The following ACOT9 variants were observed in gnomAD, a reference collection of about 807,000 sequenced individuals.
ACOT9 encodes acyl-coenzyme A thioesterase 9, mitochondrial.
Under a neutral mutation model 39.7 loss-of-function variants are expected in ACOT9, and 34 were observed. The ratio of observed to expected loss-of-function variants is 0.86; its 90% confidence interval spans 0.65 to 1.14. ACOT9 has a LOEUF of 1.14. Among genes scored for constraint, ACOT9 ranks in the 50% most tolerant of loss-of-function variants. The pLI is 0.00. For synonymous variants in ACOT9, 110 were observed against 120.5 expected, an observed-to-expected ratio of 0.91 and a Z score of 0.57; for missense variants, 313 against 344.1, an observed-to-expected ratio of 0.91 and a Z score of 0.71.
At chrX:23,716,983 T>C (rs952842623) in intron 8 of ACOT9, among the ~76,000 whole-genome samples, 3 of 111,768 alleles carry the variant, frequency 2.7e-5, no homozygotes, top group African/African-American at 9.8e-5. Flanking sequence ...GCCTCCGCAG[T>C]AGCTGGGACT....
At chrX:23,706,019 CTT>C (rs1443225958) in intron 11 of ACOT9, among the ~76,000 whole-genome samples, 161 bp from the exon 12 acceptor site, 1 of 112,494 alleles carries the variant, frequency 8.9e-6, no homozygotes, top group Non-Finnish European at 1.9e-5. Flanking sequence ...AATCCCAACA[CTT>C]TGGGAGGCCG....
chrX:23,741,354 GA>G (rs769850332), intron 1 of ACOT9, among the ~76,000 whole-genome samples: 15 of 71,725 alleles, frequency 2.1e-4, no homozygotes, highest in Admixed American at 4.3e-4. Context: ...ATTTCAAAGA[GA>G]AAAAAAAAAA....
Position 23,713,178 on chromosome X carries a change from C to T in ACOT9, c.619G>A (p.Asp207Asn), listed in dbSNP as rs376691316. The change falls in exon 9 of 16, where the codon GAT becomes AAT. Residue 207 changes from aspartate (D) to asparagine (N), a missense_variant. Transcript: ENST00000379303. ...CGAGCCACCATTACAAATGTTGCATCCAAAACAGGACAAAATTCATCACCA... is the reference window on the plus strand; with the variant it reads ...CGAGCCACCATTACAAATGTTGCATTCAAAACAGGACAAAATTCATCACCA... ...LHGDEFCPVLDATFVMVARDS... is the reference protein window; with the variant it reads ...LHGDEFCPVLNATFVMVARDS... The T allele has an allele frequency of 2.5e-6, 3 of 1,206,166 alleles. No individual in the cohort carries two copies. Among genetic ancestry groups the T allele is most frequent in the African/African-American group, 3.5e-5 (2 of 57,113 alleles).
intron 12 of ACOT9, 69 bp downstream of exon 12, chrX:23,705,699 G>A (rs1928652944): frequency 3.6e-6 from 4 of 1,122,190 alleles, no homozygotes; most frequent in Non-Finnish European, 4.9e-6. Context: ...GTTTAAAGGT[G>A]TGTCAAATCT....
At chrX:23,719,188 G>A (rs1276299923) in intron 8 of ACOT9, among the ~76,000 whole-genome samples, 4 of 109,921 alleles carry the variant, frequency 3.6e-5, no homozygotes, top group Non-Finnish European at 7.6e-5. Flanking sequence ...GAGAATCACT[G>A]GAACCCGAGG....
intron 11 of ACOT9, 149 bp from the exon 12 acceptor site, chrX:23,706,007 G>A (rs1928667607): frequency 1.5e-5 from 7 of 476,851 alleles, no homozygotes; most frequent in Non-Finnish European, 2.5e-5. Context: ...GCTCACGCCT[G>A]TAATCCCAAC....
chrX:23,723,146 T>TA (rs1319108042), intron 6 of ACOT9, among the ~76,000 whole-genome samples: 1 of 111,500 alleles, frequency 9.0e-6, no homozygotes, highest in Non-Finnish European at 1.9e-5. Flanking sequence ...CCTCCTGGCT[T>TA]TGTCCTAATT....
chrX:23,706,558 CAA>C (rs35002168), intron 11 of ACOT9, 68 bp downstream of exon 11: 9,336 of 239,376 alleles, frequency 0.039, no homozygotes, highest in Admixed American at 0.061. Flanking sequence ...AACTCCGTCT[CAA>C]AAAAAAAAAA....
chrX:23,707,889 T>A lies in ACOT9; in HGVS notation c.718A>T (p.Arg240Ter). 8.3e-7 allele frequency: 1 copy of A among 1,200,738 alleles called. No individual in the cohort carries two copies. The highest frequency in any genetic ancestry group is 2.5e-4 in the Middle Eastern group (1 of 4,029). ...PESPEEEELFRQGELNKGRRI... is the reference protein window; with the variant it reads ...PESPEEEELF ...CAAATTAATGTACATTCCCCTTGTC[T>A]AAAGAGCTCCTCTTCCTCTGGGCTT... is the stretch of plus-strand genomic sequence containing the variant. The change falls in exon 10 of 16, where the codon AGA becomes TGA. Residue 240 changes from arginine to a stop codon, truncating the protein, a stop_gained. Transcript: ENST00000379303. LOFTEE classifies it high-confidence loss of function.
chrX:23,706,563 A>AAAAG, intron 11 of ACOT9, 65 bp downstream of exon 11: 2 of 507,417 alleles, frequency 3.9e-6, no homozygotes, highest in African/African-American at 2.5e-5. Context: ...CGTCTCAAAA[A>AAAAG]AAAAAAAAAA....
At chrX:23,738,017 G>A (rs962551186) in intron 1 of ACOT9, among the ~76,000 whole-genome samples, 1 of 106,174 alleles carries the variant, frequency 9.4e-6, no homozygotes, top group Non-Finnish European at 1.9e-5. Context: ...TACAGGCGCC[G>A]CCACCGCGCC....
chrX:23,740,219 G>C (rs1930088048), intron 1 of ACOT9, among the ~76,000 whole-genome samples: 1 of 107,902 alleles, frequency 9.3e-6, no homozygotes, highest in African/African-American at 3.4e-5. Flanking sequence ...CGATTCTCCA[G>C]CCTCAGCCTC....
chrX:23,717,602 G>A (rs1349938017), intron 8 of ACOT9, among the ~76,000 whole-genome samples: 1 of 110,821 alleles, frequency 9.0e-6, no homozygotes, highest in Non-Finnish European at 1.9e-5. Flanking sequence ...GGAAGCAGGA[G>A]GCTGGCAAAG....
At chrX:23,734,998 A>G in intron 2 of ACOT9, among the ~76,000 whole-genome samples, 2 of 101,973 alleles carry the variant, frequency 2.0e-5, no homozygotes, top group South Asian at 9.1e-4. Context: ...AAAAAAAAAA[A>G]AAAAAGGCTC....
intron 4 of ACOT9, among the ~76,000 whole-genome samples, chrX:23,731,609 A>C (rs1476360456): frequency 1.8e-5 from 2 of 108,519 alleles, no homozygotes; most frequent in African/African-American, 6.5e-5. Flanking sequence ...GAGATGGACA[A>C]AATAGTATAT....
In ACOT9 at chrX:23,730,832, C is replaced by T; in HGVS notation, c.346G>A (p.Val116Ile). ...EPELREKYLT[V>I]QNTVRFGRIL... is the part of the protein sequence containing the mutation. ...CTGTGTTACCTTACGGTGTTTTGAA[C>T]AGTCAAATATTTCTCTCGTAATTCA... The change falls in exon 5 of 16, where the codon GTT becomes ATT. Residue 116 changes from valine (V) to isoleucine (I), a missense_variant. Coordinates refer to ENST00000379303, the MANE Select transcript of ACOT9 (RefSeq NM_001037171.2). The T allele has an allele frequency of 8.3e-7, 1 of 1,204,849 alleles. No individual in the cohort carries two copies. Among genetic ancestry groups the T allele is most frequent in the Non-Finnish European group, 1.1e-6 (1 of 892,351 alleles).
intron 1 of ACOT9, among the ~76,000 whole-genome samples, chrX:23,741,412 A>AC (rs746846284): frequency 1.0e-4 from 11 of 109,908 alleles, no homozygotes; most frequent in African/African-American, 3.6e-4. Flanking sequence ...CACATAACTC[A>AC]CCCTGGCTCA....
intron 8 of ACOT9, among the ~76,000 whole-genome samples, chrX:23,715,894 C>T (rs1004527037): frequency 9.8e-5 from 11 of 112,211 alleles, no homozygotes; most frequent in African/African-American, 3.6e-4. Flanking sequence ...CTGTTTTGCT[C>T]ACTGCTGTAT....
At chrX:23,717,097 C>T (rs1410799133) in intron 8 of ACOT9, among the ~76,000 whole-genome samples, 1 of 111,329 alleles carries the variant, frequency 9.0e-6, no homozygotes, top group Non-Finnish European at 1.9e-5. Context: ...ACTCATGATT[C>T]GCCTGCCTCG....
Sources: gnomAD v4.1 joint callset for allele counts (sites outside exome capture counted in the v4.1 genomes callset) on GRCh38, gnomAD v4.1.1 for gene constraint, MANE v1.5 for transcripts, NCBI Gene and HGNC (gene_info 2026-07-23, HGNC 2026-07-21) for gene names.